WASHC5: variants seen among roughly 807,000 people sequenced by gnomAD.
WASHC5 encodes WASH complex subunit strumpellin.
A neutral mutation model predicts 150.4 loss-of-function variants in WASHC5; 101 were observed. That is an observed-to-expected ratio of 0.67 (90% CI 0.57 to 0.79). The LOEUF is 0.79. Among genes scored for constraint, WASHC5 ranks in the 30% least tolerant of loss-of-function variants. WASHC5 has a pLI of 0.00. For missense variants in WASHC5, 1,195 were observed against 1,396.3 expected, an observed-to-expected ratio of 0.86 and a Z score of 2.30; for synonymous variants, 467 against 491.2, an observed-to-expected ratio of 0.95 and a Z score of 0.65.
intron 14 of WASHC5, 152 bp downstream of exon 14, chr8:125,059,070 C>T (rs546257252): frequency 1.3e-5 from 9 of 680,132 alleles, no homozygotes; most frequent in African/African-American, 7.3e-5. Flanking sequence ...ATTATGCTCT[C>T]GTGGAAAAAC....
intron 6 of WASHC5, among the ~76,000 whole-genome samples, chr8:125,078,523 T>C (rs761565809): frequency 2.0e-5 from 3 of 152,316 alleles, no homozygotes; most frequent in Non-Finnish European, 4.4e-5. Context: ...TTCTTCCCAA[T>C]AGCTCAAATT....
At chr8:125,032,766 A>G (rs1174602972) in intron 26 of WASHC5, 1 of 270,302 alleles carries the variant, frequency 3.7e-6, no homozygotes, top group African/African-American at 2.3e-5. Flanking sequence ...AGATACCCTG[A>G]ACTACTATCT....
At chr8:125,039,924 G>A in intron 23 of WASHC5, 26 bp from the exon 24 acceptor site, 2 of 1,493,144 alleles carry the variant, frequency 1.3e-6, no homozygotes, top group Non-Finnish European at 9.3e-7. Context: ...AGAAAGAACA[G>A]GTAGTGCATT....
chr8:125,073,153 C>T lies in WASHC5; in HGVS notation c.1150G>A (p.Ala384Thr), dbSNP rs779339814. ...AACGGCCACCCCTTTTGTGCATTAC[C>T]TGAGTCTGCTGTATGAAGCATCAGC... ...RWLMLHTADS[A>T]CDPNNKRLRQ... Residue 384 changes from alanine to threonine, a missense_variant and splice_region_variant, in exon 9 of 29, where the codon GCC (alanine) becomes ACC (threonine). By Grantham distance (58) the Ala-to-Thr change is moderately conservative. Coordinates refer to ENST00000318410, the MANE Select transcript of WASHC5 (RefSeq NM_014846.4). The T allele has an allele frequency of 6.2e-7, 1 of 1,614,070 alleles. No individual in the cohort carries two copies. The highest frequency in any genetic ancestry group is 8.5e-7 in the Non-Finnish European group (1 of 1,179,942).
At chr8:125,062,818 G>A (rs79583926) in intron 11 of WASHC5, among the ~76,000 whole-genome samples, 4,007 of 152,064 alleles carry the variant, frequency 0.026, 181 homozygotes, top group African/African-American at 0.092. Flanking sequence ...AAAATTAAGC[G>A]TTAAAAAAAT....
chr8:125,091,095 TGATTCCGATCC>T (rs1372094895), intron 1 of WASHC5, among the ~76,000 whole-genome samples: 1 of 151,834 alleles, frequency 6.6e-6, no homozygotes, highest in African/African-American at 2.4e-5. Context: ...ATCATAATCC[TGATTCCGATCC>T]CAGGAATCAG....
chr8:125,031,421 T>G (rs1408845473), intron 27 of WASHC5, among the ~76,000 whole-genome samples: 1 of 152,004 alleles, frequency 6.6e-6, no homozygotes, highest in African/African-American at 2.4e-5. Flanking sequence ...GGATTACAGG[T>G]GGCCACCACT....
At chr8:125,091,024 G>A (rs1393085956) in intron 1 of WASHC5, among the ~76,000 whole-genome samples, 1 of 152,114 alleles carries the variant, frequency 6.6e-6, no homozygotes, top group East Asian at 1.9e-4. Flanking sequence ...GGAGCTCCAT[G>A]CGCTTGCAAT....
Position 125,032,352 on chromosome 8 carries a change from G to C in WASHC5, c.3224C>G (p.Pro1075Arg). 1 of 1,614,204 alleles carries C rather than the reference G, an allele frequency of 6.2e-7. No homozygotes were observed. The highest frequency in any genetic ancestry group is 8.5e-7 in the Non-Finnish European group (1 of 1,180,036). Reference sequence around the variant, plus strand: ...CAGAGTGAGCAGTCCCAGGACAAGTGGTGGCCAATCAACCGGGTCGGTCGG... The same window carrying C: ...CAGAGTGAGCAGTCCCAGGACAAGTCGTGGCCAATCAACCGGGTCGGTCGG... ...RKPTDPVDWP[P>R]LVLGLLTLLK... The change falls in exon 27 of 29, where the codon CCA (proline) becomes CGA (arginine). Residue 1075 changes from proline (P) to arginine (R), a missense_variant. This residue lies in a region of WASHC5 where 997 missense variants were observed against 1,168.1 expected (regional missense o/e 0.85). Coordinates refer to ENST00000318410, the MANE Select transcript of WASHC5 (RefSeq NM_014846.4).
rs750908566 is a variant in WASHC5, at chr8:125,050,549, C to T, written c.2199+15G>A. The T allele has an allele frequency of 6.3e-7, 1 of 1,598,198 alleles. No individual in the cohort carries two copies. Among genetic ancestry groups the T allele is most frequent in the Non-Finnish European group, 8.6e-7 (1 of 1,165,366 alleles). ...GGGCGGAGAAGAGGACAGGCCCACT[C>T]TGGTCACTGGGTACCTTGGCTCGAG... On this transcript the variant is annotated intron_variant, in intron 18 of 28. Coordinates refer to ENST00000318410, the MANE Select transcript of WASHC5 (RefSeq NM_014846.4).
At chr8:125,069,703 G>A (rs1816847794) in intron 9 of WASHC5, among the ~76,000 whole-genome samples, 1 of 152,154 alleles carries the variant, frequency 6.6e-6, no homozygotes, top group African/African-American at 2.4e-5. Context: ...ATGGGAAACT[G>A]CAAAGTTCTG....
At chr8:125,082,940 A>G (rs746477394) in intron 3 of WASHC5, 173 bp downstream of exon 3, 7 of 544,274 alleles carry the variant, frequency 1.3e-5, no homozygotes, top group Non-Finnish European at 1.9e-5. Context: ...TTATAGTAAA[A>G]CTTCAAAATT....
At chr8:125,088,435 AAGGGG>A (rs1317796526) in intron 1 of WASHC5, among the ~76,000 whole-genome samples, 1 of 140,312 alleles carries the variant, frequency 7.1e-6, no homozygotes, top group African/African-American at 3.0e-5. Context: ...AAAAAAAAAA[AAGGGG>A]GAGGGGGGGA....
At position 125,061,737 on chromosome 8, in the gene WASHC5, C is replaced by T. The variant is rs930765394; in HGVS notation, c.1409-543G>A. 1.1e-4 allele frequency among the ~76,000 whole-genome samples: 16 copies of T among 152,208 alleles called. No homozygotes were observed. In the South Asian group the frequency reaches 2.1e-3, roughly 20 times the overall value. On this transcript the variant is annotated intron_variant, in intron 11 of 28. Transcript: ENST00000318410. ...GGGGGTGCCATTTGCACTTAGGAACCGGCAGACATTTCATACAGTAGAGAA... is the reference window on the plus strand; with the variant it reads ...GGGGGTGCCATTTGCACTTAGGAACTGGCAGACATTTCATACAGTAGAGAA...
intron 9 of WASHC5, among the ~76,000 whole-genome samples, chr8:125,069,313 A>C (rs1315795273): frequency 6.6e-6 from 1 of 152,244 alleles, no homozygotes; most frequent in Non-Finnish European, 1.5e-5. Context: ...TGAGCCAAAT[A>C]AACTTCTTTA....
At chr8:125,038,709 G>T in intron 25 of WASHC5, 121 bp downstream of exon 25, 2 of 1,173,190 alleles carry the variant, frequency 1.7e-6, no homozygotes, top group Non-Finnish European at 2.5e-6. Context: ...GGAACTGAAT[G>T]GAATGAAGGC....
intron 17 of WASHC5, among the ~76,000 whole-genome samples, chr8:125,054,819 C>CAAAA (rs111810991): frequency 7.6e-6 from 1 of 130,982 alleles, no homozygotes. Context: ...ACCCTTGTCT[C>CAAAA]AAAAAAAAAA....
In WASHC5 at chr8:125,071,404, T is replaced by C. The variant is rs1459071912; in HGVS notation, c.1150+1749A>G. On this transcript the variant is annotated intron_variant, in intron 9 of 28. Coordinates refer to ENST00000318410, the MANE Select transcript of WASHC5 (RefSeq NM_014846.4). ...GAACAGAAGGTCTCGGAGGAGACCA[T>C]GACTCATAAAAAGCTAAGATCCAAT... is the stretch of plus-strand genomic sequence containing the variant. Among the ~76,000 whole-genome samples, 5 of 152,350 alleles carry C rather than the reference T, an allele frequency of 3.3e-5. No homozygotes were observed. In the East Asian group the frequency reaches 9.6e-4, roughly 29 times the overall value.
chr8:125,067,296 G>A (rs915303103), intron 10 of WASHC5, among the ~76,000 whole-genome samples: 2 of 152,198 alleles, frequency 1.3e-5, no homozygotes, highest in East Asian at 1.9e-4. Context: ...GGGATTACAG[G>A]CATGAGCCAC....
Sources: allele counts gnomAD v4.1 joint callset (sites outside exome capture counted in the v4.1 genomes callset), GRCh38; gene constraint gnomAD v4.1.1; regional missense constraint gnomAD v4.1.1; transcripts MANE v1.5; gene names NCBI Gene and HGNC (gene_info 2026-07-23, HGNC 2026-07-21).